UGT1A8: variants seen among roughly 807,000 people sequenced by gnomAD.
UGT1A8 encodes UDP-glucuronosyltransferase 1A8.
UGT1A8 carries 39 observed loss-of-function variants against 45.3 expected under a neutral mutation model. The observed-to-expected ratio is 0.86, with a 90% CI of 0.67 to 1.12. The LOEUF (loss-of-function observed/expected upper bound fraction) is 1.12, where lower values mean the gene tolerates loss of function less well. Among genes scored for constraint, UGT1A8 ranks in the 50% most tolerant of loss-of-function variants. The pLI, the probability that UGT1A8 is intolerant of heterozygous loss-of-function variation, is 0.00. For missense variants in UGT1A8, 719 were observed against 664.9 expected, an observed-to-expected ratio of 1.08 and a Z score of -0.90; for synonymous variants, 275 against 249.2, an observed-to-expected ratio of 1.10 and a Z score of -0.97.
intron 1 of UGT1A8, chr2:233,692,488 G>A: frequency 6.0e-6 from 1 of 166,024 alleles, no homozygotes; most frequent in East Asian, 1.9e-4. Flanking sequence ...GGGCAGTCTT[G>A]TAGGACTGAG....
At chr2:233,630,741 T>A (rs528756665) in intron 1 of UGT1A8, among the ~76,000 whole-genome samples, 1 of 151,830 alleles carries the variant, frequency 6.6e-6, no homozygotes, top group East Asian at 1.9e-4. Flanking sequence ...TTTTTATTTT[T>A]ATTTCTGGGG....
chr2:233,763,077 G>C (rs1318326063), intron 1 of UGT1A8, among the ~76,000 whole-genome samples: 1 of 152,214 alleles, frequency 6.6e-6, no homozygotes, highest in Non-Finnish European at 1.5e-5. Context: ...TTCTTTGCGT[G>C]AGGATGTTTG....
chr2:233,672,828 CCTTTGG>C, intron 1 of UGT1A8: 1 of 1,562,282 alleles, frequency 6.4e-7, no homozygotes, highest in Admixed American at 2.0e-5. Flanking sequence ...GAATACTTCA[CCTTTGG>C]AAATTAAAAA....
chr2:233,748,112 C>G (rs879064318), intron 1 of UGT1A8: 2 of 1,611,964 alleles, frequency 1.2e-6, no homozygotes, highest in South Asian at 2.2e-5. Context: ...AATCAATGTT[C>G]CAGGCAAAAC....
At chr2:233,689,219 G>T (rs1274133852) in intron 1 of UGT1A8, among the ~76,000 whole-genome samples, 2 of 152,150 alleles carry the variant, frequency 1.3e-5, no homozygotes, top group African/African-American at 4.8e-5. Context: ...ATACTTACCT[G>T]CACTTCCCTA....
At chr2:233,649,440 G>T (rs752663272) in intron 1 of UGT1A8, among the ~76,000 whole-genome samples, 52 of 152,168 alleles carry the variant, frequency 3.4e-4, no homozygotes, top group Non-Finnish European at 5.4e-4. Flanking sequence ...ACTACCTGCT[G>T]CAGTAAAATG....
chr2:233,713,207 G>T (rs757096232), intron 1 of UGT1A8: 2 of 1,614,230 alleles, frequency 1.2e-6, no homozygotes, highest in Admixed American at 1.7e-5. Context: ...TCAAAGAAGA[G>T]AACTTTTTCA....
chr2:233,683,091 G>A (rs796158356), intron 1 of UGT1A8, among the ~76,000 whole-genome samples: 36 of 151,776 alleles, frequency 2.4e-4, no homozygotes, highest in African/African-American at 8.7e-4. Context: ...CCCTTTTTTT[G>A]CTAATTCTAC....
intron 1 of UGT1A8, among the ~76,000 whole-genome samples, chr2:233,665,030 G>A (rs1301733779): frequency 6.6e-6 from 1 of 152,144 alleles, no homozygotes; most frequent in Admixed American, 6.5e-5. Context: ...GTAGTTTTGT[G>A]TGCATCATTT....
intron 1 of UGT1A8, among the ~76,000 whole-genome samples, chr2:233,716,848 A>G (rs28898605): frequency 0.1 from 15,748 of 152,134 alleles, 927 homozygotes; most frequent in East Asian, 0.2. Context: ...TTCAGCTACC[A>G]CATATGCTGA....
At chr2:233,747,962 C>G (rs780665543) in intron 1 of UGT1A8, 4 of 1,613,470 alleles carry the variant, frequency 2.5e-6, no homozygotes, top group Non-Finnish European at 2.5e-6. Context: ...ATCTTCTCAG[C>G]CATGCATCTG....
intron 1 of UGT1A8, among the ~76,000 whole-genome samples, chr2:233,685,982 G>T (rs1231017372): frequency 2.0e-5 from 3 of 152,110 alleles, no homozygotes; most frequent in Non-Finnish European, 4.4e-5. Flanking sequence ...TTAAAGTCCA[G>T]AAATAATCCT....
At chr2:233,772,131 C>T in intron 4 of UGT1A8, 131 bp from the exon 5 acceptor site, 2 of 1,543,198 alleles carry the variant, frequency 1.3e-6, no homozygotes, top group South Asian at 2.4e-5. Context: ...ACAACAACAA[C>T]AATAATAGAA....
At chr2:233,651,972 A>C (rs2073754059) in intron 1 of UGT1A8, among the ~76,000 whole-genome samples, 1 of 152,212 alleles carries the variant, frequency 6.6e-6, no homozygotes, top group Non-Finnish European at 1.5e-5. Context: ...ATTCAAGAGA[A>C]CATCAAGATA....
chr2:233,703,357 C>T (rs1254530363), intron 1 of UGT1A8, among the ~76,000 whole-genome samples: 1 of 151,876 alleles, frequency 6.6e-6, no homozygotes, highest in Non-Finnish European at 1.5e-5. Flanking sequence ...GTTAATCTAA[C>T]TTTAGGTTTA....
chr2:233,668,828 G>T (rs565614777), intron 1 of UGT1A8, among the ~76,000 whole-genome samples: 3 of 152,246 alleles, frequency 2.0e-5, no homozygotes, highest in Admixed American at 6.5e-5. Flanking sequence ...TCTTTTCTGG[G>T]ATCCCATCCA....
At chr2:233,682,969 C>T (rs943509920) in intron 1 of UGT1A8, among the ~76,000 whole-genome samples, 1 of 152,054 alleles carries the variant, frequency 6.6e-6, no homozygotes, top group Admixed American at 6.6e-5. Context: ...TAAAGCAGCT[C>T]TTGTTGATAT....
At chr2:233,718,073 G>T in intron 1 of UGT1A8, 1 of 345,132 alleles carries the variant, frequency 2.9e-6, no homozygotes, top group South Asian at 2.3e-5. Flanking sequence ...GTCCTTGCTA[G>T]GGTTGTCTTG....
intron 1 of UGT1A8, among the ~76,000 whole-genome samples, chr2:233,656,649 C>T (rs2073859879): frequency 1.3e-5 from 2 of 152,102 alleles, no homozygotes; most frequent in South Asian, 4.1e-4. Context: ...TCCATCTCAT[C>T]TCTATTTTAA....
Sources: gnomAD v4.1 joint callset for allele counts (sites outside exome capture counted in the v4.1 genomes callset) on GRCh38, gnomAD v4.1.1 for gene constraint, MANE v1.5 for transcripts, NCBI Gene and HGNC (gene_info 2026-07-23, HGNC 2026-07-21) for gene names.